Variants in DNAH11 observed in about 807,000 individuals in gnomAD.
The protein encoded by DNAH11 is dynein axonemal heavy chain 11.
DNAH11 carries 442 observed loss-of-function variants against 526.0 expected under a neutral mutation model. The observed-to-expected ratio is 0.84, with a 90% CI of 0.78 to 0.91. The LOEUF is 0.91. Among genes scored for constraint, DNAH11 ranks in the 40% least tolerant of loss-of-function variants. The pLI, the probability that DNAH11 is intolerant of heterozygous loss-of-function variation, is 0.00. For synonymous variants in DNAH11, 2,461 were observed against 1,935.9 expected (o/e 1.27, Z -7.12); for missense variants, 6,989 against 5,448.7 (o/e 1.28, Z -8.90).
intron 30 of DNAH11, among the ~76,000 whole-genome samples, chr7:21,677,816 C>T (rs1782958622): frequency 1.3e-5 from 2 of 152,184 alleles, no homozygotes; most frequent in South Asian, 4.1e-4. Flanking sequence ...TTTGATTTCT[C>T]TAATGATTAG....
rs1168018557 is a variant in DNAH11, at chr7:21,583,208, A to C, written c.1710+1187A>C. On this transcript the variant is annotated intron_variant, in intron 9 of 81. Coordinates refer to ENST00000409508, the MANE Select transcript of DNAH11 (RefSeq NM_001277115.2). ...ACTACACTACAAGGCTACAGTAACC[A>C]AAACAGTATAGTACTGGTACCAAAA... Among the ~76,000 whole-genome samples the C allele has an allele frequency of 3.3e-5, 5 of 152,214 alleles. No individual in the cohort carries two copies. The East Asian group carries it at 9.6e-4, about 29-fold the overall frequency.
chr7:21,818,377 A>G (rs1195387209), intron 65 of DNAH11, 38 bp downstream of exon 65: 2 of 1,585,934 alleles, frequency 1.3e-6, no homozygotes, highest in African/African-American at 2.7e-5. Context: ...ATATCTTGCT[A>G]AATGATTTTC....
chr7:21,647,946 A>C (rs1787436937), intron 28 of DNAH11, among the ~76,000 whole-genome samples: 1 of 152,202 alleles, frequency 6.6e-6, no homozygotes, highest in African/African-American at 2.4e-5. Flanking sequence ...ACTAGATGGA[A>C]ATTTGGATCT....
In DNAH11 at chr7:21,606,503, G is replaced by A. The variant is rs772101696; in HGVS notation, c.3726G>A (p.Ala1242=). The A allele has an allele frequency of 6.3e-5, 102 of 1,610,826 alleles. No homozygotes were observed. In the Admixed American group the frequency reaches 1.2e-3, roughly 19 times the overall value. ...VRHEVSPLHN[A]EVTLIRKKCI... is the part of the protein sequence containing the mutation. The stretch of plus-strand genomic sequence containing the variant: ...ATGAAGTCTCACCTCTCCATAATGC[G>A]GAAGTCACTCTTATAAGGAAAAAAT... The change falls in exon 19 of 82, where the codon GCG becomes GCA. Residue 1242 remains alanine, a synonymous_variant. Coordinates refer to ENST00000409508, the MANE Select transcript of DNAH11 (RefSeq NM_001277115.2).
At chr7:21,882,032 A>G (rs1050150914) in intron 75 of DNAH11, among the ~76,000 whole-genome samples, 1 of 152,230 alleles carries the variant, frequency 6.6e-6, no homozygotes, top group African/African-American at 2.4e-5. Flanking sequence ...TGTCTAAACT[A>G]TTGCACATAA....
In DNAH11 at chr7:21,818,291, A is replaced by G; in HGVS notation, c.10643A>G (p.Asp3548Gly). 2.5e-6 allele frequency: 4 copies of G among 1,612,186 alleles called. No individual in the cohort carries two copies. Among genetic ancestry groups the G allele is most frequent in the African/African-American group, 1.3e-5 (1 of 74,972 alleles). ...ATTGAAAATCTCGAGGAAACGATAG[A>G]TCCAGTCCTGGATCCACTACTTGGC... ...ILIENLEETI[D>G]PVLDPLLGRN... is the part of the protein sequence containing the mutation. The change falls in exon 65 of 82, where the codon GAT becomes GGT. Residue 3548 changes from aspartate (D) to glycine (G), a missense_variant. Physicochemically the swap from Asp to Gly is moderately conservative, Grantham distance 94. Transcript: ENST00000409508.
In DNAH11 at chr7:21,698,153, T is replaced by G. The variant is rs1583604185; in HGVS notation, c.6120T>G (p.Arg2040=). Reference sequence around the variant, plus strand: ...TTGCTGAAGGTTTTGTGGATGCGCGTGCATTAGCCCGAAAGTTCATTACGT... The same window carrying G: ...TTGCTGAAGGTTTTGTGGATGCGCGGGCATTAGCCCGAAAGTTCATTACGT... ...LLVAEGFVDA[R]ALARKFITLY... The change falls in exon 36 of 82, where the codon CGT becomes CGG. Residue 2040 remains arginine (R), a synonymous_variant. Transcript: ENST00000409508. 5.0e-6 allele frequency: 8 copies of G among 1,613,710 alleles called. No individual in the cohort carries two copies. The highest frequency in any genetic ancestry group is 6.8e-6 in the Non-Finnish European group (8 of 1,179,730).
At chr7:21,745,674 G>A (rs140653862) in intron 51 of DNAH11, among the ~76,000 whole-genome samples, 3 of 152,262 alleles carry the variant, frequency 2.0e-5, no homozygotes, top group East Asian at 1.9e-4. Context: ...TGTTAGCGAC[G>A]AAAATGGACA....
rs1028235968 is a variant in DNAH11 at position 21,725,863 on chromosome 7, C to T, written c.7319C>T (p.Ala2440Val). The change falls in exon 45 of 82, where the codon GCA becomes GTA. Residue 2440 changes from alanine (A) to valine (V), a missense_variant. Coordinates refer to ENST00000409508, the MANE Select transcript of DNAH11 (RefSeq NM_001277115.2). ...FSRWWQKEMK[A>V]VKFPSQGTIF... ...CGGTGGTGGCAGAAAGAGATGAAAG[C>T]AGTGAAATTTCCGTCGCAGGGAACA... 5.0e-6 allele frequency: 8 copies of T among 1,611,620 alleles called. No individual in the cohort carries two copies. Among genetic ancestry groups the T allele is most frequent in the African/African-American group, 1.3e-5 (1 of 75,006 alleles).
At chr7:21,862,747 T>G (rs1007172770) in intron 69 of DNAH11, among the ~76,000 whole-genome samples, 6 of 152,176 alleles carry the variant, frequency 3.9e-5, no homozygotes, top group African/African-American at 1.4e-4. Context: ...TTTTATTCCT[T>G]TTTCACATGA....
intron 73 of DNAH11, among the ~76,000 whole-genome samples, chr7:21,871,516 A>AG (rs1272442740): frequency 6.6e-6 from 1 of 152,206 alleles, no homozygotes; most frequent in Non-Finnish European, 1.5e-5. Flanking sequence ...TTTACATTTG[A>AG]TTCAAGTAAA....
At chr7:21,616,141 A>G (rs896295187) in intron 21 of DNAH11, 68 bp from the exon 22 acceptor site, 12 of 1,155,990 alleles carry the variant, frequency 1.0e-5, no homozygotes, top group Non-Finnish European at 1.4e-5. Context: ...ATCAGTTTAT[A>G]TATTTTGCTG....
intron 25 of DNAH11, among the ~76,000 whole-genome samples, chr7:21,629,840 A>G (rs988636348): frequency 2.0e-5 from 3 of 151,994 alleles, no homozygotes; most frequent in Non-Finnish European, 4.4e-5. Context: ...TCTTGTAGGC[A>G]CTGTATAGTT....
At position 21,865,892 on chromosome 7, in the gene DNAH11, T is replaced by C. The variant is rs539857134; in HGVS notation, c.11497-578T>C. Among the ~76,000 whole-genome samples the C allele has an allele frequency of 1.3e-4, 20 of 152,326 alleles. 1 individual carries two copies. Among genetic ancestry groups the C allele is most frequent in the East Asian group, 5.8e-4 (3 of 5,190 alleles). On this transcript the variant is annotated intron_variant, in intron 70 of 81. Transcript: ENST00000409508. ...ATTCATATCTCCCCTTTTTAGACTT[T>C]ATAGGGTAACTTCCTGACGTTACCA...
chr7:21,750,373 T>C lies in DNAH11; in HGVS notation c.8940+9T>C. 1 of 1,593,640 alleles carries C rather than the reference T, an allele frequency of 6.3e-7. No individual in the cohort carries two copies. Among genetic ancestry groups the C allele is most frequent in the Non-Finnish European group, 8.5e-7 (1 of 1,169,968 alleles). On this transcript the variant is annotated intron_variant, in intron 54 of 81. Transcript: ENST00000409508. ...TGCGACTACAGCTCAAAGTAAGAAA[T>C]ACTTGCTTAATTTGCATGTTAGTTA...
intron 14 of DNAH11, among the ~76,000 whole-genome samples, chr7:21,598,593 A>ATAAAT (rs1554317844): frequency 1.6e-5 from 1 of 61,558 alleles, no homozygotes; most frequent in Non-Finnish European, 3.7e-5. Context: ...GCAAAAATAA[A>ATAAAT]TAAATAAATA....
At chr7:21,744,234 A>C (rs1479260001) in intron 49 of DNAH11, among the ~76,000 whole-genome samples, 5 of 152,208 alleles carry the variant, frequency 3.3e-5, no homozygotes, top group Non-Finnish European at 7.3e-5. Flanking sequence ...CATACCTAAA[A>C]ATGGGTATAA....
At chr7:21,784,906 C>T (rs1270143937) in intron 58 of DNAH11, among the ~76,000 whole-genome samples, 2 of 152,086 alleles carry the variant, frequency 1.3e-5, no homozygotes, top group African/African-American at 2.4e-5. Context: ...TCTTTATTTC[C>T]TCTGGAATAT....
intron 18 of DNAH11, among the ~76,000 whole-genome samples, chr7:21,605,327 T>C (rs768957443): frequency 5.3e-5 from 8 of 152,240 alleles, no homozygotes; most frequent in African/African-American, 1.9e-4. Flanking sequence ...ACAATTTCAC[T>C]GTCCCAGGAG....
Sources: gnomAD v4.1 joint callset for allele counts (sites outside exome capture counted in the v4.1 genomes callset) on GRCh38, gnomAD v4.1.1 for gene constraint, MANE v1.5 for transcripts, NCBI Gene and HGNC (gene_info 2026-07-23, HGNC 2026-07-21) for gene names.